PCDH15: variants seen among roughly 807,000 people sequenced by gnomAD.
PCDH15 encodes protocadherin related 15.
In PCDH15, 129 loss-of-function variants were observed where a neutral mutation model predicts 178.5. That is an observed-to-expected ratio of 0.72 (90% CI 0.63 to 0.84). The LOEUF is 0.84. PCDH15 is among the 40% of genes least tolerant of loss of function. The pLI, the probability that PCDH15 is intolerant of heterozygous loss-of-function variation, is 0.00. For synonymous variants in PCDH15, 800 were observed against 732.0 expected, an observed-to-expected ratio of 1.09 and a Z score of -1.50; for missense variants, 2,230 against 2,099.9, an observed-to-expected ratio of 1.06 and a Z score of -1.21.
chr10:54,375,322 A>G (rs183564130), intron 4 of PCDH15, among the ~76,000 whole-genome samples: 88 of 152,270 alleles, frequency 5.8e-4, no homozygotes, highest in South Asian at 2.7e-3. Context: ...GAGTAAAATT[A>G]TAAGTGTATA....
At chr10:55,042,693 T>C (rs992874793) in intron 2 of PCDH15, among the ~76,000 whole-genome samples, 5 of 152,104 alleles carry the variant, frequency 3.3e-5, no homozygotes, top group Admixed American at 2.6e-4. Flanking sequence ...CTCAAAGTCA[T>C]GTCTATCAGT....
chr10:55,069,334 A>C (rs1051612971), intron 2 of PCDH15, among the ~76,000 whole-genome samples: 60 of 145,578 alleles, frequency 4.1e-4, no homozygotes, highest in Non-Finnish European at 7.0e-4. Context: ...TGTGCAGGTT[A>C]CTTACATATG....
chr10:54,576,426 T>C (rs920550760), intron 2 of PCDH15, among the ~76,000 whole-genome samples: 18 of 152,198 alleles, frequency 1.2e-4, no homozygotes, highest in African/African-American at 4.3e-4. Flanking sequence ...AGAATACTAA[T>C]CATTTAAAGA....
chr10:54,550,587 G>C (rs2086458078), intron 2 of PCDH15, among the ~76,000 whole-genome samples: 1 of 151,966 alleles, frequency 6.6e-6, no homozygotes, highest in Non-Finnish European at 1.5e-5. Context: ...GAAATTTAAA[G>C]CTGGCCTTCC....
intron 2 of PCDH15, among the ~76,000 whole-genome samples, chr10:55,419,509 A>T (rs1332224756): frequency 6.6e-6 from 1 of 151,784 alleles, no homozygotes; most frequent in Non-Finnish European, 1.5e-5. Flanking sequence ...ATAGTTACTG[A>T]CTCAATGGAG....
chr10:53,932,617 C>T (rs571203430), intron 25 of PCDH15, among the ~76,000 whole-genome samples: 2 of 152,150 alleles, frequency 1.3e-5, no homozygotes, highest in Admixed American at 6.5e-5. Flanking sequence ...TCAAGTACAA[C>T]TTTACAACAA....
chr10:54,903,955 C>T (rs1398329114), intron 2 of PCDH15, among the ~76,000 whole-genome samples: 2 of 152,056 alleles, frequency 1.3e-5, no homozygotes, highest in Non-Finnish European at 2.9e-5. Flanking sequence ...TCTGAGTGCA[C>T]TCTAGACAAT....
chr10:55,592,953 C>A (rs1461306233), intron 2 of PCDH15, among the ~76,000 whole-genome samples: 1 of 151,832 alleles, frequency 6.6e-6, no homozygotes, highest in African/African-American at 2.4e-5. Flanking sequence ...AAGTCAAATG[C>A]CTTAACGTAA....
intron 2 of PCDH15, among the ~76,000 whole-genome samples, chr10:54,584,790 T>G (rs954795863): frequency 3.9e-5 from 6 of 152,082 alleles, no homozygotes; most frequent in Non-Finnish European, 8.8e-5. Context: ...AAGTAATGAC[T>G]GAATATAAAT....
At chr10:54,639,015 A>G (rs1187355019) in intron 2 of PCDH15, among the ~76,000 whole-genome samples, 1 of 152,142 alleles carries the variant, frequency 6.6e-6, no homozygotes, top group Non-Finnish European at 1.5e-5. Flanking sequence ...ACAGAGTGAT[A>G]TAATAAACAA....
chr10:55,362,267 TA>T (rs1449258669), intron 2 of PCDH15, among the ~76,000 whole-genome samples: 1 of 152,178 alleles, frequency 6.6e-6, no homozygotes, highest in Non-Finnish European at 1.5e-5. Context: ...GGTACTTTTT[TA>T]TTTTGCAGAA....
intron 3 of PCDH15, among the ~76,000 whole-genome samples, chr10:54,520,729 AC>A (rs1439303568): frequency 6.6e-6 from 1 of 151,372 alleles, no homozygotes. Context: ...TACCCAAAGG[AC>A]TATAAATCAT....
intron 2 of PCDH15, among the ~76,000 whole-genome samples, chr10:55,021,767 A>G (rs918369076): frequency 5.9e-5 from 9 of 152,198 alleles, no homozygotes; most frequent in African/African-American, 2.2e-4. Context: ...TTGAACATCA[A>G]TTAAGAACAT....
intron 3 of PCDH15, among the ~76,000 whole-genome samples, chr10:54,890,248 T>C (rs1954436601): frequency 6.6e-6 from 1 of 152,040 alleles, no homozygotes; most frequent in Admixed American, 6.6e-5. Flanking sequence ...GTAATGGCTT[T>C]GCATAAATAA....
At chr10:54,521,729 A>T (rs919061827) in intron 3 of PCDH15, among the ~76,000 whole-genome samples, 3 of 152,160 alleles carry the variant, frequency 2.0e-5, no homozygotes, top group Admixed American at 6.6e-5. Context: ...TGAGGCAGTG[A>T]TACCACTGAG....
intron 2 of PCDH15, among the ~76,000 whole-genome samples, chr10:55,394,942 A>C (rs1837884472): frequency 6.6e-6 from 1 of 152,108 alleles, no homozygotes; most frequent in African/African-American, 2.4e-5. Flanking sequence ...CCAAATTCTA[A>C]AACAAATCAC....
chr10:55,272,020 G>A (rs1008308683), intron 1 of PCDH15, among the ~76,000 whole-genome samples: 3 of 152,052 alleles, frequency 2.0e-5, no homozygotes, highest in African/African-American at 7.3e-5. Flanking sequence ...AACACCTGCT[G>A]CCTGAAACAG....
chr10:55,031,373 G>A (rs1214510790), intron 2 of PCDH15, among the ~76,000 whole-genome samples: 2 of 152,136 alleles, frequency 1.3e-5, no homozygotes, highest in Non-Finnish European at 2.9e-5. Flanking sequence ...CTAAAAGTAA[G>A]ACAATCAGTA....
At chr10:54,801,936 C>CATAATTG (rs1392924802), upstream of PCDH15, among the ~76,000 whole-genome samples, 2 of 152,136 alleles carry the variant, frequency 1.3e-5, no homozygotes, top group Non-Finnish European at 2.9e-5. Flanking sequence ...TCATATAAAT[C>CATAATTG]AGAGAAACAT....
Sources: allele counts gnomAD v4.1 joint callset (sites outside exome capture counted in the v4.1 genomes callset), GRCh38; gene constraint gnomAD v4.1.1; transcripts MANE v1.5; gene names NCBI Gene and HGNC (gene_info 2026-07-23, HGNC 2026-07-21).